Variants in ARHGAP32 observed in about 807,000 individuals in gnomAD.
ARHGAP32 encodes Rho GTPase activating protein 32.
ARHGAP32 carries 51 observed loss-of-function variants against 186.5 expected under a neutral mutation model. That is an observed-to-expected ratio of 0.27 (90% confidence interval 0.22 to 0.35). ARHGAP32 has a LOEUF of 0.35. Among genes scored for constraint, ARHGAP32 ranks in the 10% least tolerant of loss-of-function variants. ARHGAP32 has a pLI of 1.00. For synonymous variants in ARHGAP32, 950 were observed against 964.3 expected (o/e 0.99, Z 0.27); for missense variants, 2,186 against 2,623.5 (o/e 0.83, Z 3.64).
intron 1 of ARHGAP32, among the ~76,000 whole-genome samples, chr11:129,252,185 C>G (rs999161141): frequency 2.6e-5 from 4 of 152,130 alleles, no homozygotes; most frequent in Non-Finnish European, 5.9e-5. Flanking sequence ...CCATCACTTA[C>G]ACTAATTGGT....
chr11:128,989,419 T>C (rs951695233), intron 12 of ARHGAP32, among the ~76,000 whole-genome samples: 2 of 151,720 alleles, frequency 1.3e-5, no homozygotes, highest in Non-Finnish European at 2.9e-5. Context: ...AGAGAGTAAG[T>C]TTTACCCAAG....
chr11:129,221,073 GA>G lies in ARHGAP32; in HGVS notation c.-4-56647del, dbSNP rs200926036. Among the ~76,000 whole-genome samples, 63 of 146,850 alleles carry G rather than the reference GA, an allele frequency of 4.3e-4. 1 individual carries two copies. In the East Asian group the frequency reaches 8.5e-3, roughly 20 times the overall value. On this transcript the variant is annotated intron_variant, in intron 1 of 6. Coordinates refer to the ARHGAP32 transcript ENST00000525234. ...AGAAGATGCTATATATTCTAACTAG[GA>G]AAAAAAAAAGTCTACAGAAAAAAAT... is the stretch of plus-strand genomic sequence containing the variant.
chr11:129,106,731 G>A (rs1942058619), intron 5 of ARHGAP32, among the ~76,000 whole-genome samples: 1 of 152,010 alleles, frequency 6.6e-6, no homozygotes, highest in South Asian at 2.1e-4. Context: ...CAACAGATTT[G>A]ATCAAGAAGA....
At chr11:129,113,575 T>C (rs561151085) in intron 5 of ARHGAP32, among the ~76,000 whole-genome samples, 1 of 152,172 alleles carries the variant, frequency 6.6e-6, no homozygotes, top group South Asian at 2.1e-4. Flanking sequence ...TTTTTCCAGA[T>C]TTCTAGGCTG....
chr11:129,260,115 T>A (rs3900629), intron 1 of ARHGAP32, among the ~76,000 whole-genome samples: 1 of 151,950 alleles, frequency 6.6e-6, no homozygotes, highest in Non-Finnish European at 1.5e-5. Flanking sequence ...AACTCACTGA[T>A]TGAACTTTTA....
intron 12 of ARHGAP32, among the ~76,000 whole-genome samples, chr11:128,992,423 A>ACAT (rs1325978235): frequency 1.4e-5 from 2 of 145,902 alleles, no homozygotes; most frequent in African/African-American, 5.0e-5. Context: ...AATTAACGTC[A>ACAT]CATCACCACC....
At chr11:129,224,910 G>A (rs889295840) in intron 1 of ARHGAP32, among the ~76,000 whole-genome samples, 1 of 151,872 alleles carries the variant, frequency 6.6e-6, no homozygotes, top group African/African-American at 2.4e-5. Context: ...TCAGGGGTTT[G>A]AGACCAGCCT....
chr11:129,127,564 T>G (rs1204946354), intron 2 of ARHGAP32, among the ~76,000 whole-genome samples: 1 of 112,060 alleles, frequency 8.9e-6, no homozygotes, highest in Non-Finnish European at 1.8e-5. Flanking sequence ...ATGAAGCCAG[T>G]AGAACTGAAA....
intron 1 of ARHGAP32, among the ~76,000 whole-genome samples, chr11:129,276,127 G>C (rs1033826276): frequency 6.6e-6 from 1 of 152,200 alleles, no homozygotes; most frequent in Non-Finnish European, 1.5e-5. Flanking sequence ...ATTTTAAAAA[G>C]CAGCAGCAGC....
intron 2 of ARHGAP32, among the ~76,000 whole-genome samples, chr11:129,145,453 G>C (rs1354233110): frequency 7.3e-6 from 1 of 136,480 alleles, no homozygotes; most frequent in Non-Finnish European, 1.7e-5. Flanking sequence ...CAAGATCCTA[G>C]ACCACCATGA....
intron 2 of ARHGAP32, among the ~76,000 whole-genome samples, chr11:129,136,951 C>G (rs1369769951): frequency 6.6e-6 from 1 of 151,736 alleles, no homozygotes; most frequent in East Asian, 1.9e-4. Context: ...CATATGCATC[C>G]ATAAGTATAA....
rs921601261 is a variant in ARHGAP32 at position 128,973,631 on chromosome 11, G to C, written c.3074-199C>G. On this transcript the variant is annotated intron_variant, in intron 21 of 22. Coordinates refer to ENST00000682385, the MANE Select transcript of ARHGAP32 (RefSeq NM_001378024.1). Reference sequence around the variant, plus strand: ...CAGAAGGAAAACTAAAACAAACAGTGTATAAAGACTGCAATCTCTTCTTGA... The same window carrying C: ...CAGAAGGAAAACTAAAACAAACAGTCTATAAAGACTGCAATCTCTTCTTGA... 7 of 607,432 alleles carry C rather than the reference G, an allele frequency of 1.2e-5. No homozygotes were observed. In the African/African-American group the frequency reaches 1.3e-4, roughly 11 times the overall value. The allele number at this position is 607,432 out of a possible 1,614,324, so 37.6% of individuals were successfully genotyped here. A position where few individuals can be genotyped will look rare whatever the true frequency, so the allele number is the denominator to read the frequency against.
intron 5 of ARHGAP32, among the ~76,000 whole-genome samples, chr11:129,109,211 G>C (rs1470804859): frequency 6.6e-6 from 1 of 152,018 alleles, no homozygotes; most frequent in African/African-American, 2.4e-5. Context: ...TTCCATCCAT[G>C]TTGCTGCAAA....
intron 2 of ARHGAP32, among the ~76,000 whole-genome samples, chr11:129,130,601 A>G (rs1409958329): frequency 6.6e-6 from 1 of 152,124 alleles, no homozygotes; most frequent in Non-Finnish European, 1.5e-5. Flanking sequence ...ATAGCCAATA[A>G]TCAAGCTACT....
intron 11 of ARHGAP32, among the ~76,000 whole-genome samples, chr11:129,002,669 T>C (rs1025956254): frequency 3.9e-5 from 6 of 152,148 alleles, no homozygotes; most frequent in Admixed American, 1.3e-4. Flanking sequence ...GTCATGTTCC[T>C]GATGTTAAAA....
chr11:129,094,580 C>A (rs1941675692), intron 5 of ARHGAP32, among the ~76,000 whole-genome samples: 1 of 152,162 alleles, frequency 6.6e-6, no homozygotes, highest in Non-Finnish European at 1.5e-5. Flanking sequence ...TGAGAAATGA[C>A]CATCACCTTT....
At chr11:129,117,950 A>G (rs1233639416) in intron 5 of ARHGAP32, among the ~76,000 whole-genome samples, 1 of 152,092 alleles carries the variant, frequency 6.6e-6, no homozygotes, top group Non-Finnish European at 1.5e-5. Flanking sequence ...AAATAAGTGC[A>G]GTAACAATAA....
Position 129,123,525 on chromosome 11 carries a change from G to A in ARHGAP32, c.365C>T (p.Pro122Leu), listed in dbSNP as rs370064884. ...CTTCGGAAAGTGACCTTTAGTGAAG[G>A]GTAACCTGAAACACATGAAATAAAT... The part of the protein sequence containing the change: ...LMGCDNIHRL[P>L]FTKGHFPKMA... The change falls in exon 5 of 23, where the codon CCC (proline) becomes CTC (leucine). Residue 122 changes from proline to leucine, a missense_variant. Pro to Leu is a moderately conservative substitution (Grantham distance 98). Around this residue, in one of 5 missense-constraint regions of ARHGAP32, gnomAD observed 308 missense variants for 596.5 expected, o/e 0.52. Coordinates refer to ENST00000682385, the MANE Select transcript of ARHGAP32 (RefSeq NM_001378024.1). This position sits in a 1 kb window ranked among gnomAD's most constrained non-coding sequence, Gnocchi z 4.6. 3 of 1,611,434 alleles carry A rather than the reference G, an allele frequency of 1.9e-6. No individual in the cohort carries two copies. In the African/African-American group the frequency reaches 4.0e-5, roughly 22 times the overall value.
chr11:129,155,235 T>C (rs1943373973), intron 2 of ARHGAP32, among the ~76,000 whole-genome samples: 1 of 152,222 alleles, frequency 6.6e-6, no homozygotes, highest in African/African-American at 2.4e-5. Flanking sequence ...AAATTACAAC[T>C]GAACAGCATT....
Sources: gnomAD v4.1 joint callset for allele counts (sites outside exome capture counted in the v4.1 genomes callset) on GRCh38, gnomAD v4.1.1 for gene constraint, gnomAD v4.1.1 regional missense constraint, Gnocchi (gnomAD v3.1) non-coding constraint, MANE v1.5 for transcripts, NCBI Gene and HGNC (gene_info 2026-07-23, HGNC 2026-07-21) for gene names.